Variants in PLPPR1 observed in about 807,000 individuals in gnomAD.
PLPPR1 encodes the protein phospholipid phosphatase-related protein type 1.
In PLPPR1, 10 loss-of-function variants were observed where a neutral mutation model predicts 33.1. The ratio of observed to expected loss-of-function variants is 0.30; its 90% CI spans 0.19 to 0.51. The LOEUF is 0.51. Among genes scored for constraint, PLPPR1 ranks in the 20% least tolerant of loss-of-function variants. The probability of loss-of-function intolerance (pLI) is 0.97; values close to 1 mark genes in which losing one functional copy is unlikely to be tolerated. For missense variants in PLPPR1, 304 were observed against 408.1 expected, an observed-to-expected ratio of 0.74 and a Z score of 2.20; for synonymous variants, 151 against 151.0, an observed-to-expected ratio of 1.00 and a Z score of 0.00.
At chr9:101,231,928 C>T (rs1389972243) in intron 2 of PLPPR1, among the ~76,000 whole-genome samples, 2 of 152,020 alleles carry the variant, frequency 1.3e-5, no homozygotes, top group African/African-American at 4.8e-5. Context: ...CTATCTTATA[C>T]TTCAAACTCC....
intron 2 of PLPPR1, among the ~76,000 whole-genome samples, chr9:101,201,512 G>A (rs922240857): frequency 6.6e-6 from 1 of 152,124 alleles, no homozygotes; most frequent in Non-Finnish European, 1.5e-5. Flanking sequence ...CAAAATATCT[G>A]TGTGACCTTC....
chr9:101,284,802 A>C (rs184859906), intron 3 of PLPPR1, among the ~76,000 whole-genome samples: 9 of 152,340 alleles, frequency 5.9e-5, no homozygotes, highest in African/African-American at 2.2e-4. Flanking sequence ...TAAGGTATGG[A>C]ATTAAAACAT....
intron 1 of PLPPR1, among the ~76,000 whole-genome samples, chr9:101,059,063 T>C (rs28514953): frequency 0.022 from 3,337 of 152,230 alleles, 100 homozygotes; most frequent in East Asian, 0.14. Flanking sequence ...AATAACTTTT[T>C]GGTCTGTTTT....
chr9:101,231,244 G>A lies in PLPPR1; in HGVS notation c.64-38636G>A, dbSNP rs985256046. ...CCTTTCACTGTCATGACTATTGCGG[G>A]AAGGGAAAAAAGAAACAGAAAATGG... On this transcript the variant is annotated intron_variant, in intron 2 of 7. Transcript: ENST00000374874. 2.0e-5 allele frequency among the ~76,000 whole-genome samples: 3 copies of A among 148,190 alleles called. No homozygotes were observed. The South Asian group carries it at 6.5e-4, about 32-fold the overall frequency.
intron 1 of PLPPR1, among the ~76,000 whole-genome samples, chr9:101,174,566 AGC>A (rs1252195053): frequency 6.6e-6 from 1 of 152,162 alleles, no homozygotes; most frequent in East Asian, 1.9e-4. Flanking sequence ...GACTTTGCAC[AGC>A]TTAGAAATGA....
intron 1 of PLPPR1, among the ~76,000 whole-genome samples, chr9:101,085,778 C>G (rs989241123): frequency 2.0e-5 from 3 of 151,996 alleles, no homozygotes; most frequent in African/African-American, 4.8e-5. Flanking sequence ...TGGGGTAATC[C>G]GTAAAGTGGA....
At chr9:101,162,965 G>A (rs1274128877) in intron 1 of PLPPR1, among the ~76,000 whole-genome samples, 1 of 152,118 alleles carries the variant, frequency 6.6e-6, no homozygotes, top group Non-Finnish European at 1.5e-5. Context: ...CTGACATATA[G>A]CCTGCAAAGC....
At chr9:101,285,181 C>A (rs755995093) in intron 3 of PLPPR1, among the ~76,000 whole-genome samples, 3 of 152,130 alleles carry the variant, frequency 2.0e-5, no homozygotes, top group Non-Finnish European at 4.4e-5. Flanking sequence ...GAGTCTCGAT[C>A]TTCAGTTATG....
At chr9:101,258,997 A>G (rs1827850212) in intron 2 of PLPPR1, among the ~76,000 whole-genome samples, 2 of 152,330 alleles carry the variant, frequency 1.3e-5, no homozygotes, top group Admixed American at 1.3e-4. Flanking sequence ...GCAAAAGATC[A>G]AAGAGAAAAT....
chr9:101,130,253 C>A (rs530403410), intron 1 of PLPPR1, among the ~76,000 whole-genome samples: 1 of 152,174 alleles, frequency 6.6e-6, no homozygotes, highest in Non-Finnish European at 1.5e-5. Flanking sequence ...TCCACTGTCT[C>A]CATGTTTTCA....
At chr9:101,170,384 A>G (rs970095488) in intron 1 of PLPPR1, among the ~76,000 whole-genome samples, 3 of 152,146 alleles carry the variant, frequency 2.0e-5, no homozygotes, top group Non-Finnish European at 4.4e-5. Context: ...CACATCTTAC[A>G]TGGCAGCAGG....
intron 1 of PLPPR1, chr9:101,125,651 A>G (rs1831236624): frequency 6.8e-6 from 4 of 589,570 alleles, no homozygotes; most frequent in Non-Finnish European, 1.3e-5. Context: ...GTTGTTGATC[A>G]TGGCAATTCA....
intron 4 of PLPPR1, among the ~76,000 whole-genome samples, chr9:101,295,307 C>T (rs1215989880): frequency 6.6e-6 from 1 of 151,836 alleles, no homozygotes; most frequent in Non-Finnish European, 1.5e-5. Context: ...AAAGAGGATA[C>T]AAACAAATGG....
chr9:101,319,952 A>T (rs1372266304), intron 7 of PLPPR1, among the ~76,000 whole-genome samples: 1 of 152,198 alleles, frequency 6.6e-6, no homozygotes, highest in African/African-American at 2.4e-5. Flanking sequence ...CTGCTCAAGC[A>T]TGACATCTGT....
intron 1 of PLPPR1, among the ~76,000 whole-genome samples, chr9:101,157,926 C>A (rs796515612): frequency 1.3e-5 from 2 of 152,176 alleles, no homozygotes; most frequent in South Asian, 2.1e-4. Flanking sequence ...ATCACTTGAA[C>A]CTGGGAGGTG....
intron 2 of PLPPR1, among the ~76,000 whole-genome samples, chr9:101,215,835 G>A (rs1473467143): frequency 2.6e-5 from 4 of 151,276 alleles, no homozygotes; most frequent in African/African-American, 9.7e-5. Flanking sequence ...TTTTTTTATT[G>A]CTAAATAATA....
At chr9:101,046,601 A>G (rs1317345978) in intron 1 of PLPPR1, among the ~76,000 whole-genome samples, 1 of 151,680 alleles carries the variant, frequency 6.6e-6, no homozygotes, top group Non-Finnish European at 1.5e-5. Context: ...CACCACGCCC[A>G]GCTAATTTTT....
chr9:101,166,386 G>A (rs1825858714), intron 1 of PLPPR1, among the ~76,000 whole-genome samples: 1 of 152,152 alleles, frequency 6.6e-6, no homozygotes, highest in Non-Finnish European at 1.5e-5. Context: ...GTAATGACTT[G>A]TTTAATATCA....
At chr9:101,148,250 A>G (rs1270015495) in intron 1 of PLPPR1, among the ~76,000 whole-genome samples, 1 of 151,712 alleles carries the variant, frequency 6.6e-6, no homozygotes, top group Non-Finnish European at 1.5e-5. Context: ...CTGGCTGGGG[A>G]CTCTGCCCTC....
Sources: allele counts gnomAD v4.1 joint callset (sites outside exome capture counted in the v4.1 genomes callset), GRCh38; gene constraint gnomAD v4.1.1; transcripts MANE v1.5; gene names NCBI Gene and HGNC (gene_info 2026-07-23, HGNC 2026-07-21).